Variants in CNTN5 observed in about 807,000 individuals in gnomAD.
CNTN5 encodes contactin-5.
Under a neutral mutation model 129.1 loss-of-function variants are expected in CNTN5, and 77 were observed. The observed-to-expected ratio is 0.60, with a 90% CI of 0.50 to 0.72. The LOEUF (loss-of-function observed/expected upper bound fraction) is 0.72, where lower values mean the gene tolerates loss of function less well. Among genes scored for constraint, CNTN5 ranks in the 30% least tolerant of loss-of-function variants. The pLI, the probability that CNTN5 is intolerant of heterozygous loss-of-function variation, is 0.00. For missense variants in CNTN5, 1,478 were observed against 1,328.8 expected (o/e 1.11, Z -1.75); for synonymous variants, 509 against 465.6 (o/e 1.09, Z -1.20).
At chr11:99,100,004 T>C (rs565990048) in intron 1 of CNTN5, among the ~76,000 whole-genome samples, 1 of 152,280 alleles carries the variant, frequency 6.6e-6, no homozygotes, top group South Asian at 2.1e-4. Context: ...GTTGGTGTCT[T>C]GGTACATTAA....
At chr11:99,515,949 G>GAA (rs35512504) in intron 2 of CNTN5, among the ~76,000 whole-genome samples, 80 of 143,822 alleles carry the variant, frequency 5.6e-4, no homozygotes, top group Middle Eastern at 7.3e-3. Flanking sequence ...ATAATTTTAT[G>GAA]AAAAAAAAAA....
intron 3 of CNTN5, among the ~76,000 whole-genome samples, chr11:99,627,906 A>G (rs1436659291): frequency 6.7e-6 from 1 of 150,284 alleles, no homozygotes; most frequent in East Asian, 1.9e-4. Context: ...TCACCAAAAT[A>G]AAATTGTGTA....
intron 3 of CNTN5, among the ~76,000 whole-genome samples, chr11:99,630,604 A>G (rs1183618829): frequency 2.0e-5 from 3 of 151,492 alleles, no homozygotes; most frequent in Non-Finnish European, 4.4e-5. Context: ...AAATCTTCCT[A>G]TTTCTTAGTC....
intron 2 of CNTN5, among the ~76,000 whole-genome samples, chr11:99,375,927 T>A (rs1346062697): frequency 6.6e-6 from 1 of 152,184 alleles, no homozygotes; most frequent in South Asian, 2.1e-4. Context: ...CCATATTTAA[T>A]CTACCACAAA....
chr11:99,099,554 AC>A (rs1196181540), intron 1 of CNTN5, among the ~76,000 whole-genome samples: 11 of 42,302 alleles, frequency 2.6e-4, no homozygotes, highest in African/African-American at 1.2e-3. Flanking sequence ...GTGTATACAC[AC>A]ACACACACAC....
At chr11:100,192,647 C>A (rs970658489) in intron 14 of CNTN5, among the ~76,000 whole-genome samples, 1 of 151,962 alleles carries the variant, frequency 6.6e-6, no homozygotes, top group African/African-American at 2.4e-5. Context: ...TCTTCATCAC[C>A]TCTCTACTAT....
intron 4 of CNTN5, among the ~76,000 whole-genome samples, chr11:99,824,285 C>A (rs1348157): frequency 1.2e-4 from 18 of 151,852 alleles, no homozygotes; most frequent in Admixed American, 2.0e-4. Context: ...TTGTCACCAA[C>A]ATAAAATTTT....
intron 1 of CNTN5, among the ~76,000 whole-genome samples, chr11:99,159,681 A>G (rs1860511036): frequency 6.6e-6 from 1 of 152,214 alleles, no homozygotes; most frequent in South Asian, 2.1e-4. Flanking sequence ...GGGAAGCAAT[A>G]TCTTGAAAGA....
chr11:99,860,950 A>ATTTTTTTTTT lies in CNTN5; in HGVS notation c.577+15702_577+15711dup, dbSNP rs146364893. Among the ~76,000 whole-genome samples the ATTTTTTTTTT allele has an allele frequency of 2.0e-4, 18 of 91,034 alleles. 1 individual carries two copies. Among genetic ancestry groups the ATTTTTTTTTT allele is most frequent in the South Asian group, 4.1e-4 (1 of 2,460 alleles). The allele number at this position is 91,034 out of a possible 152,430, so 59.7% of individuals were successfully genotyped here. On this transcript the variant is annotated intron_variant, in intron 6 of 24. Coordinates refer to ENST00000524871, the MANE Select transcript of CNTN5 (RefSeq NM_014361.4). Reference sequence around the variant, plus strand: ...TTCCATTAACATGGAATATGTCTTCATTTTTTTTTTTTTTTTTTTTTTTGA... The same window carrying ATTTTTTTTTT: ...TTCCATTAACATGGAATATGTCTTCATTTTTTTTTTTTTTTTTTTTTTTTTTTTTTTTTGA...
At chr11:100,319,795 C>T (rs1951649503) in intron 21 of CNTN5, among the ~76,000 whole-genome samples, 2 of 152,076 alleles carry the variant, frequency 1.3e-5, no homozygotes, top group African/African-American at 4.8e-5. Context: ...TGGGTAAGAC[C>T]ATGTGGTATT....
intron 23 of CNTN5, among the ~76,000 whole-genome samples, chr11:100,343,658 G>A (rs1405886469): frequency 2.6e-5 from 4 of 152,070 alleles, no homozygotes; most frequent in Admixed American, 1.3e-4. Flanking sequence ...CTTGGAGCCC[G>A]TCTTCTGAGT....
In CNTN5 at chr11:99,093,971, A is replaced by G. The variant is rs143951840; in HGVS notation, c.-210+72701A>G. 4.4e-3 allele frequency among the ~76,000 whole-genome samples: 664 copies of G among 152,142 alleles called. 3 individuals carry two copies. The highest frequency in any genetic ancestry group is 7.7e-3 in the Non-Finnish European group (522 of 67,930). On this transcript the variant is annotated intron_variant, in intron 1 of 24. Transcript: ENST00000524871. ...TCTGTGAGGCATTTGGAAATAACAT[A>G]TTGATATATAACATATAAGATAATA...
chr11:99,725,999 T>C lies in CNTN5; in HGVS notation c.56-93545T>C, dbSNP rs565126959. 4.6e-5 allele frequency among the ~76,000 whole-genome samples: 7 copies of C among 152,358 alleles called. 1 individual carries two copies. In the South Asian group the frequency reaches 1.5e-3, roughly 32 times the overall value. On this transcript the variant is annotated intron_variant, in intron 3 of 24. Coordinates refer to ENST00000524871, the MANE Select transcript of CNTN5 (RefSeq NM_014361.4). ...TTATTAGAATATTGTCATGCAAGTC[T>C]TACTTATTTGGCTATTCTGAAGTAG...
intron 15 of CNTN5, among the ~76,000 whole-genome samples, chr11:100,207,992 C>T (rs1040113167): frequency 2.0e-5 from 3 of 152,056 alleles, no homozygotes; most frequent in Admixed American, 6.6e-5. Context: ...TAGTCTCATA[C>T]CAAAATTCTG....
intron 2 of CNTN5, among the ~76,000 whole-genome samples, chr11:99,380,695 G>C (rs991070101): frequency 1.3e-5 from 2 of 149,278 alleles, no homozygotes; most frequent in African/African-American, 2.5e-5. Flanking sequence ...TTGAACCCGG[G>C]AGGTGGAGGT....
At chr11:99,321,832 A>G (rs185086267) in intron 1 of CNTN5, among the ~76,000 whole-genome samples, 1 of 152,214 alleles carries the variant, frequency 6.6e-6, no homozygotes, top group East Asian at 1.9e-4. Context: ...CTTTTGTTGA[A>G]CGAGGATTCA....
intron 3 of CNTN5, among the ~76,000 whole-genome samples, chr11:99,586,130 C>G (rs1160268266): frequency 6.6e-6 from 1 of 152,020 alleles, no homozygotes; most frequent in East Asian, 1.9e-4. Context: ...TAATTTCTTT[C>G]TGGTTTCTGT....
At chr11:99,361,979 G>T (rs1261291934) in intron 2 of CNTN5, among the ~76,000 whole-genome samples, 1 of 152,000 alleles carries the variant, frequency 6.6e-6, no homozygotes, top group African/African-American at 2.4e-5. Context: ...TTGTGCTTCT[G>T]CTTTTAATGA....
At position 100,313,949 on chromosome 11, in the gene CNTN5, T is replaced by G. The variant is rs556030044; in HGVS notation, c.2730+5481T>G. ...GAGATAAAGAGGGAAAAGTGCCTGTTTGGTTTACAGGTTATTGGTGATAAC... is the reference window on the plus strand; with the variant it reads ...GAGATAAAGAGGGAAAAGTGCCTGTGTGGTTTACAGGTTATTGGTGATAAC... On this transcript the variant is annotated intron_variant, in intron 21 of 24. Transcript: ENST00000524871. 4.6e-5 allele frequency among the ~76,000 whole-genome samples: 7 copies of G among 152,254 alleles called. No individual in the cohort carries two copies. The East Asian group carries it at 1.4e-3, about 30-fold the overall frequency.
Sources: allele counts gnomAD v4.1 joint callset (sites outside exome capture counted in the v4.1 genomes callset), GRCh38; gene constraint gnomAD v4.1.1; transcripts MANE v1.5; gene names NCBI Gene and HGNC (gene_info 2026-07-23, HGNC 2026-07-21).